CCL25: variants seen among roughly 807,000 people sequenced by gnomAD.
The protein encoded by CCL25 is C-C motif chemokine ligand 25.
In CCL25, 14 loss-of-function variants were observed where a neutral mutation model predicts 19.9. That is an observed-to-expected ratio of 0.70 (90% confidence interval 0.47 to 1.10). CCL25 has a LOEUF of 1.10. Among genes scored for constraint, CCL25 ranks in the 50% least tolerant of loss-of-function variants. CCL25 has a pLI of 0.00. For synonymous variants in CCL25, 68 were observed against 73.2 expected (o/e 0.93, Z 0.36); for missense variants, 151 against 181.2 (o/e 0.83, Z 0.96).
chr19:8,053,037 AC>A lies in CCL25; in HGVS notation c.-10del. The A allele has an allele frequency of 1.3e-6, 2 of 1,542,552 alleles. No homozygotes were observed. Among genetic ancestry groups the A allele is most frequent in the South Asian group, 2.4e-5 (2 of 83,238 alleles). ...TTCGTCCAGGTGCCCAGGGAGGAGG[AC>A]CCGCCTGCAGCATGAACCTGTGGCT... On this transcript the variant is annotated 5_prime_UTR_variant, in exon 2 of 6. Transcript: ENST00000315626.
chr19:8,062,369 G>C lies in CCL25; in HGVS notation c.*144G>C. 1.2e-6 allele frequency: 1 copy of C among 823,224 alleles called. No homozygotes were observed. The highest frequency in any genetic ancestry group is 2.0e-6 in the Non-Finnish European group (1 of 499,066). 51.0% of individuals were successfully genotyped at this position (823,224 alleles called of 1,614,324 possible). The stretch of plus-strand genomic sequence containing the variant: ...CTGCACCTGAGTTGGTCCTCCCTCT[G>C]CACCCCCACCACCTCCTGCCCGTCT... On this transcript the variant is annotated 3_prime_UTR_variant, in exon 6 of 6. Transcript: ENST00000315626.
chr19:8,057,105 C>T (rs1348658514), intron 4 of CCL25, among the ~76,000 whole-genome samples: 2 of 149,176 alleles, frequency 1.3e-5, no homozygotes, highest in Admixed American at 6.7e-5. Flanking sequence ...ACTGCAACCT[C>T]TGCCTCCTGA....
intron 2 of CCL25, among the ~76,000 whole-genome samples, chr19:8,053,847 C>A (rs535260546): frequency 1.3e-4 from 20 of 152,286 alleles, no homozygotes; most frequent in African/African-American, 3.8e-4. Context: ...CTGTGCCCGG[C>A]TTCCTAAACC....
In CCL25 at chr19:8,062,230, G is replaced by C; in HGVS notation, c.*5G>C. ...ATTGCTTCTGCAGGACTGTGAGCCG[G>C]CTCATTTCTGGGCTCCATCGGCACA... On this transcript the variant is annotated 3_prime_UTR_variant, in exon 6 of 6. Transcript: ENST00000315626. 1 of 1,612,878 alleles carries C rather than the reference G, an allele frequency of 6.2e-7. No homozygotes were observed.
intron 4 of CCL25, 123 bp downstream of exon 4, chr19:8,056,622 A>C: frequency 9.1e-7 from 1 of 1,097,440 alleles, no homozygotes; most frequent in Admixed American, 2.4e-5. Context: ...TGAACCCCAA[A>C]CAAAGCCAGT....
In CCL25 at chr19:8,053,038, C is replaced by A. The variant is rs1210887874; in HGVS notation, c.-12C>A. On this transcript the variant is annotated 5_prime_UTR_variant, in exon 2 of 6. Coordinates refer to ENST00000315626, the MANE Select transcript of CCL25 (RefSeq NM_005624.4). ...TCGTCCAGGTGCCCAGGGAGGAGGACCCGCCTGCAGCATGAACCTGTGGCT... is the reference window on the plus strand; with the variant it reads ...TCGTCCAGGTGCCCAGGGAGGAGGAACCGCCTGCAGCATGAACCTGTGGCT... The A allele has an allele frequency of 1.3e-6, 2 of 1,547,636 alleles. No individual in the cohort carries two copies. The highest frequency in any genetic ancestry group is 2.7e-5 in the African/African-American group (2 of 73,108).
chr19:8,062,123 G>A (rs2145302950), intron 5 of CCL25, 95 bp from the exon 6 acceptor site: 1 of 1,189,842 alleles, frequency 8.4e-7, no homozygotes, highest in South Asian at 1.2e-5. Flanking sequence ...AAGGGTTTTA[G>A]GAGCTGTAGG....
At chr19:8,059,104 TTA>T (rs2081298433) in intron 5 of CCL25, among the ~76,000 whole-genome samples, 2 of 76,056 alleles carry the variant, frequency 2.6e-5, no homozygotes, top group African/African-American at 7.9e-5. Context: ...ATGTATATAT[TTA>T]TATATAATAT....
intron 5 of CCL25, among the ~76,000 whole-genome samples, chr19:8,060,750 G>C (rs560164618): frequency 6.6e-6 from 1 of 151,258 alleles, no homozygotes; most frequent in African/African-American, 2.4e-5. Context: ...GCATGATCTC[G>C]GCTCACTGCA....
At chr19:8,060,982 A>ATTTTTTTTTTTTTTTTTT (rs68112327) in intron 5 of CCL25, among the ~76,000 whole-genome samples, 1 of 95,166 alleles carries the variant, frequency 1.1e-5, no homozygotes, top group Non-Finnish European at 2.0e-5. Flanking sequence ...GCCCGGCCTA[A>ATTTTTTTTTTTTTTTTTT]TTTTTTTTTT....
chr19:8,054,366 C>T (rs1437838984), intron 2 of CCL25, among the ~76,000 whole-genome samples: 3 of 152,244 alleles, frequency 2.0e-5, no homozygotes, highest in Non-Finnish European at 4.4e-5. Context: ...GAACTACCTG[C>T]CTGGCACTGC....
intron 5 of CCL25, among the ~76,000 whole-genome samples, chr19:8,061,009 A>T (rs1361379580): frequency 1.1e-5 from 1 of 88,636 alleles, no homozygotes; most frequent in African/African-American, 4.5e-5. Flanking sequence ...TTTTTGAGAC[A>T]GAGTCTCACT....
Position 8,062,391 on chromosome 19 carries a change from G to T in CCL25, c.*166G>T, listed in dbSNP as rs569124304. 52 of 679,188 alleles carry T rather than the reference G, an allele frequency of 7.7e-5. No individual in the cohort carries two copies. In the African/African-American group the frequency reaches 9.0e-4, roughly 12 times the overall value. 42.1% of individuals were successfully genotyped at this position (679,188 alleles called of 1,614,324 possible). On this transcript the variant is annotated 3_prime_UTR_variant, in exon 6 of 6. Transcript: ENST00000315626. Reference sequence around the variant, plus strand: ...TCTGCACCCCCACCACCTCCTGCCCGTCTGGCAACTGGAAAGAGGGAGTTG... The same window carrying T: ...TCTGCACCCCCACCACCTCCTGCCCTTCTGGCAACTGGAAAGAGGGAGTTG...
At chr19:8,053,845 G>A (rs148474057) in intron 2 of CCL25, among the ~76,000 whole-genome samples, 203 of 152,086 alleles carry the variant, frequency 1.3e-3, no homozygotes, top group African/African-American at 3.6e-3. Context: ...CACTGTGCCC[G>A]GCTTCCTAAA....
At position 8,056,350 on chromosome 19, in the gene CCL25, C is replaced by G. The variant is rs1009016474; in HGVS notation, c.192-16C>G. ...GCCTACACCCTAACCTGGGCACCCCCCTCTGCTCACCACAGATTCTACCTC... is the reference window on the plus strand; with the variant it reads ...GCCTACACCCTAACCTGGGCACCCCGCTCTGCTCACCACAGATTCTACCTC... On this transcript the variant is annotated splice_polypyrimidine_tract_variant and intron_variant, in intron 3 of 5. Coordinates refer to ENST00000315626, the MANE Select transcript of CCL25 (RefSeq NM_005624.4). The G allele has an allele frequency of 6.2e-6, 10 of 1,612,624 alleles. No individual in the cohort carries two copies. Among genetic ancestry groups the G allele is most frequent in the Middle Eastern group, 1.6e-4 (1 of 6,080 alleles).
At chr19:8,053,550 T>A (rs902137151) in intron 2 of CCL25, among the ~76,000 whole-genome samples, 1 of 148,286 alleles carries the variant, frequency 6.7e-6, no homozygotes, top group Non-Finnish European at 1.5e-5. Flanking sequence ...CTAAACCATT[T>A]TTTTTTTTTT....
chr19:8,058,067 G>C, intron 5 of CCL25, 147 bp downstream of exon 5: 1 of 1,376,610 alleles, frequency 7.3e-7, no homozygotes, highest in Non-Finnish European at 9.6e-7. Flanking sequence ...ATTCACAGGG[G>C]AGGGTCCTCG....
intron 5 of CCL25, among the ~76,000 whole-genome samples, chr19:8,058,843 A>G (rs2081294288): frequency 7.1e-6 from 1 of 140,260 alleles, no homozygotes; most frequent in African/African-American, 2.6e-5. Flanking sequence ...TATTTTTAGT[A>G]GAGACGGGGT....
At chr19:8,056,563 G>A (rs2081274333) in intron 4 of CCL25, 64 bp downstream of exon 4, 2 of 1,586,522 alleles carry the variant, frequency 1.3e-6, no homozygotes, top group African/African-American at 2.7e-5. Context: ...CCCATGTGTG[G>A]TTCAGACCCC....
Sources: allele counts gnomAD v4.1 joint callset (sites outside exome capture counted in the v4.1 genomes callset), GRCh38; gene constraint gnomAD v4.1.1; transcripts MANE v1.5; gene names NCBI Gene and HGNC (gene_info 2026-07-23, HGNC 2026-07-21).